CCNY: variants seen among roughly 807,000 people sequenced by gnomAD.
CCNY encodes the protein cyclin-Y.
A neutral mutation model predicts 42.8 loss-of-function variants in CCNY; 19 were observed. The observed-to-expected ratio is 0.44, with a 90% CI of 0.31 to 0.65. The LOEUF (loss-of-function observed/expected upper bound fraction) is 0.65. Ranked by LOEUF, CCNY falls within the 30% of genes least tolerant of loss-of-function variation. The probability of loss-of-function intolerance (pLI) is 0.07; values close to 1 mark genes in which losing one functional copy is unlikely to be tolerated. For synonymous variants in CCNY, 165 were observed against 162.7 expected, an observed-to-expected ratio of 1.01 and a Z score of -0.11; for missense variants, 370 against 437.3, an observed-to-expected ratio of 0.85 and a Z score of 1.37.
At chr10:35,552,664 C>T (rs1433713350) in intron 7 of CCNY, among the ~76,000 whole-genome samples, 2 of 150,876 alleles carry the variant, frequency 1.3e-5, no homozygotes, top group Non-Finnish European at 3.0e-5. Context: ...ACCCTACAAA[C>T]AAAAAAAAAG....
chr10:35,302,509 C>T (rs1340670710), intron 3 of CCNY, among the ~76,000 whole-genome samples: 1 of 151,894 alleles, frequency 6.6e-6, no homozygotes, highest in African/African-American at 2.4e-5. Flanking sequence ...CGGGGTTTCT[C>T]CATGTTGGCC....
At chr10:35,401,762 A>G (rs749036670) in intron 1 of CCNY, among the ~76,000 whole-genome samples, 3 of 152,050 alleles carry the variant, frequency 2.0e-5, no homozygotes, top group South Asian at 2.1e-4. Flanking sequence ...GTTAAGAGCA[A>G]TGTTTTGGGG....
At chr10:35,304,294 ATT>A (rs879681124) in intron 3 of CCNY, among the ~76,000 whole-genome samples, 1 of 110,918 alleles carries the variant, frequency 9.0e-6, no homozygotes, top group Admixed American at 9.2e-5. Context: ...TTCTCCTTTT[ATT>A]TTTTTTTTTT....
At chr10:35,352,281 G>A (rs564188624) in intron 1 of CCNY, among the ~76,000 whole-genome samples, 28 of 152,328 alleles carry the variant, frequency 1.8e-4, no homozygotes, top group African/African-American at 6.3e-4. Flanking sequence ...GAAGTTAGTG[G>A]AGTTCCTTTC....
At chr10:35,334,617 A>C (rs1835988664), upstream of CCNY, among the ~76,000 whole-genome samples, 1 of 152,048 alleles carries the variant, frequency 6.6e-6, no homozygotes, top group Non-Finnish European at 1.5e-5. Flanking sequence ...TCCCTTTTAC[A>C]CTTCTTTTCT....
chr10:35,494,237 C>CCT lies in CCNY; in HGVS notation c.230-7263_230-7262insTC, dbSNP rs1554794890. 3.7e-4 allele frequency among the ~76,000 whole-genome samples: 51 copies of CCT among 139,058 alleles called. 2 individuals carry two copies. The highest frequency in any genetic ancestry group is 6.6e-4 in the Non-Finnish European group (42 of 63,250). 91.2% of individuals were successfully genotyped at this position (139,058 alleles called of 152,430 possible). ...CCAGCCTGGACAGCATAGTGAGACC[C>CCT]CCCCCCCCATTTCTACAAAAAAATA... On this transcript the variant is annotated intron_variant, in intron 2 of 9. Coordinates refer to ENST00000374704, the MANE Select transcript of CCNY (RefSeq NM_145012.6).
intron 1 of CCNY, among the ~76,000 whole-genome samples, chr10:35,247,443 G>A (rs2095708759): frequency 6.6e-6 from 1 of 151,894 alleles, no homozygotes; most frequent in Non-Finnish European, 1.5e-5. Flanking sequence ...AAATTAGCCA[G>A]GCACGGTGGT....
chr10:35,344,462 C>G (rs1006467341), intron 1 of CCNY, among the ~76,000 whole-genome samples: 1 of 152,162 alleles, frequency 6.6e-6, no homozygotes. Flanking sequence ...GAGGCTGAGG[C>G]AGGCGGATCA....
chr10:35,403,429 G>A (rs1837687684), intron 1 of CCNY, among the ~76,000 whole-genome samples: 1 of 152,134 alleles, frequency 6.6e-6, no homozygotes, highest in Non-Finnish European at 1.5e-5. Flanking sequence ...ATGAGAAGGA[G>A]AAAAACTGGC....
At chr10:35,249,942 C>T (rs2095710651) in intron 2 of CCNY, among the ~76,000 whole-genome samples, 1 of 152,112 alleles carries the variant, frequency 6.6e-6, no homozygotes, top group Non-Finnish European at 1.5e-5. Flanking sequence ...CGCCTGTAAT[C>T]CCAGCACTTT....
At chr10:35,354,841 C>T (rs1176398304) in intron 1 of CCNY, among the ~76,000 whole-genome samples, 1 of 148,142 alleles carries the variant, frequency 6.8e-6, no homozygotes, top group East Asian at 2.0e-4. Context: ...AGGCAGCTTT[C>T]TCCTTCAGTA....
At chr10:35,549,297 G>C (rs530741341) in intron 7 of CCNY, among the ~76,000 whole-genome samples, 4 of 152,306 alleles carry the variant, frequency 2.6e-5, no homozygotes, top group Admixed American at 6.5e-5. Context: ...GGGATGAGGG[G>C]TGGGGGGTTC....
At chr10:35,516,426 C>G (rs1019837507) in intron 3 of CCNY, 97 bp from the exon 4 acceptor site, 19 of 777,284 alleles carry the variant, frequency 2.4e-5, no homozygotes, top group Non-Finnish European at 3.8e-5. Flanking sequence ...GACATTTTTC[C>G]TCTGTGGTCT....
chr10:35,263,483 G>A (rs2095721933), intron 3 of CCNY, among the ~76,000 whole-genome samples: 1 of 151,636 alleles, frequency 6.6e-6, no homozygotes, highest in African/African-American at 2.4e-5. Context: ...CAAGGCTGCA[G>A]TGAGCTATGA....
At chr10:35,373,182 G>T (rs1034480881) in intron 1 of CCNY, among the ~76,000 whole-genome samples, 1 of 152,136 alleles carries the variant, frequency 6.6e-6, no homozygotes, top group Non-Finnish European at 1.5e-5. Context: ...TTCCTGGTGC[G>T]GTTTTGGGTG....
chr10:35,522,737 G>GTGAC (rs915630494), intron 4 of CCNY, among the ~76,000 whole-genome samples: 1 of 152,182 alleles, frequency 6.6e-6, no homozygotes, highest in Admixed American at 6.5e-5. Context: ...AAAAACTAAG[G>GTGAC]TGACTCTGGC....
intron 3 of CCNY, among the ~76,000 whole-genome samples, chr10:35,306,880 T>C (rs536570904): frequency 1.1e-4 from 17 of 152,278 alleles, no homozygotes; most frequent in Admixed American, 2.0e-4. Flanking sequence ...TGCTGTCAAA[T>C]AGCCTCAGAG....
intron 8 of CCNY, among the ~76,000 whole-genome samples, chr10:35,565,157 TTA>T (rs754771068): frequency 7.9e-5 from 12 of 152,210 alleles, no homozygotes; most frequent in Admixed American, 4.6e-4. Context: ...TGAGAAGTTC[TTA>T]AAGTAGAAGT....
intron 1 of CCNY, among the ~76,000 whole-genome samples, chr10:35,400,686 G>A (rs1293744282): frequency 6.6e-6 from 1 of 152,194 alleles, no homozygotes; most frequent in Non-Finnish European, 1.5e-5. Flanking sequence ...TACTTAAACA[G>A]TATTTTTGAT....
Sources: gnomAD v4.1 joint callset for allele counts (sites outside exome capture counted in the v4.1 genomes callset) on GRCh38, gnomAD v4.1.1 for gene constraint, MANE v1.5 for transcripts, NCBI Gene and HGNC (gene_info 2026-07-23, HGNC 2026-07-21) for gene names.